SMAD1: variants seen among roughly 807,000 people sequenced by gnomAD.
The protein encoded by SMAD1 is SMAD family member 1, also known as MAD, mothers against decapentaplegic homolog 1.
Under a neutral mutation model 41.6 loss-of-function variants are expected in SMAD1, and 6 were observed. The ratio of observed to expected loss-of-function variants is 0.14; its 90% CI spans 0.08 to 0.28. The LOEUF (loss-of-function observed/expected upper bound fraction) is 0.28. Among genes scored for constraint, SMAD1 ranks in the 10% least tolerant of loss-of-function variants. The pLI is 1.00. For missense variants in SMAD1, 379 were observed against 582.6 expected (o/e 0.65, Z 3.60); for synonymous variants, 206 against 203.2 (o/e 1.01, Z -0.12).
rs368632623 is a variant in SMAD1, at chr4:145,515,054, G to T, written c.400+41G>T. On this transcript the variant is annotated intron_variant, in intron 2 of 6. Transcript: ENST00000302085. ...TATGTTGATGTGCTTTGTGTGCCCA[G>T]TACCAGATTTGTGTTGTTTAGAACA... 76 of 1,533,648 alleles carry T rather than the reference G, an allele frequency of 5.0e-5. 1 individual carries two copies. The African/African-American group carries it at 8.1e-4, about 16-fold the overall frequency.
At chr4:145,557,665 C>CG (rs1019009922) in intron 6 of SMAD1, 126 bp from the exon 7 acceptor site, 117 of 636,934 alleles carry the variant, frequency 1.8e-4, no homozygotes, top group Middle Eastern at 8.0e-4. Context: ...TCCCCAGGGG[C>CG]GGGGGGGTCA....
chr4:145,524,733 TG>T (rs1730935954), intron 2 of SMAD1, among the ~76,000 whole-genome samples: 1 of 151,874 alleles, frequency 6.6e-6, no homozygotes, highest in East Asian at 1.9e-4. Flanking sequence ...CACCCTCCAT[TG>T]CTGGTTCATA....
At chr4:145,509,665 A>T (rs1208995386) in intron 1 of SMAD1, among the ~76,000 whole-genome samples, 1 of 152,192 alleles carries the variant, frequency 6.6e-6, no homozygotes, top group Non-Finnish European at 1.5e-5. Context: ...CCTAGAAAAA[A>T]GTTCTTGTTC....
intron 2 of SMAD1, among the ~76,000 whole-genome samples, chr4:145,525,558 T>C (rs1286822497): frequency 6.6e-6 from 1 of 151,042 alleles, no homozygotes; most frequent in Non-Finnish European, 1.5e-5. Context: ...TGTTTGATAC[T>C]GGTGCTGAAT....
At chr4:145,484,340 C>G (rs747447057) in intron 1 of SMAD1, among the ~76,000 whole-genome samples, 1 of 152,180 alleles carries the variant, frequency 6.6e-6, no homozygotes, top group Non-Finnish European at 1.5e-5. Flanking sequence ...AGCATCATTA[C>G]CAGCCTTTTC....
intron 1 of SMAD1, among the ~76,000 whole-genome samples, chr4:145,492,012 TA>T (rs201421459): frequency 0.023 from 3,520 of 152,154 alleles, 141 homozygotes; most frequent in African/African-American, 0.079. Flanking sequence ...TTATAATGTT[TA>T]AAAAAAATGT....
At chr4:145,536,418 A>G (rs1443262273) in intron 2 of SMAD1, among the ~76,000 whole-genome samples, 3 of 152,192 alleles carry the variant, frequency 2.0e-5, no homozygotes, top group Non-Finnish European at 4.4e-5. Flanking sequence ...AAATACTCAA[A>G]TAATTGGAAC....
intron 2 of SMAD1, among the ~76,000 whole-genome samples, chr4:145,516,026 A>T (rs1730364356): frequency 6.6e-6 from 1 of 152,228 alleles, no homozygotes; most frequent in African/African-American, 2.4e-5. Flanking sequence ...TTTAAGACAT[A>T]TTTTAAAAAA....
At chr4:145,527,088 C>T in intron 2 of SMAD1, among the ~76,000 whole-genome samples, 1 of 152,194 alleles carries the variant, frequency 6.6e-6, no homozygotes, top group South Asian at 2.1e-4. Flanking sequence ...GTAATGTAAG[C>T]AACTTTTCAT....
chr4:145,529,336 A>G (rs1472972210), intron 2 of SMAD1, among the ~76,000 whole-genome samples: 1 of 152,180 alleles, frequency 6.6e-6, no homozygotes, highest in Admixed American at 6.5e-5. Context: ...AAAGCAGATA[A>G]ATACTTGGCA....
Position 145,482,594 on chromosome 4 carries a change from G to A in SMAD1, c.-177+556G>A, listed in dbSNP as rs1163267570. The A allele has an allele frequency of 6.6e-6, 1 of 151,844 alleles. No homozygotes were observed. Among genetic ancestry groups the A allele is most frequent in the African/African-American group, 2.4e-5 (1 of 41,332 alleles). The allele number at this position is 151,844 out of a possible 1,614,324, so 9.4% of individuals were successfully genotyped here. On this transcript the variant is annotated intron_variant, in intron 1 of 6. Transcript: ENST00000302085. The surrounding 1 kb of genome is among the most constrained non-coding windows in gnomAD (Gnocchi z 4.2). ...GCGGGTCTCGCGGGCGGGGGACCCC[G>A]GCGCCCCGGGCCCCTCCACATCCCG...
At chr4:145,491,763 TAC>T (rs909569172) in intron 1 of SMAD1, among the ~76,000 whole-genome samples, 4 of 152,182 alleles carry the variant, frequency 2.6e-5, no homozygotes. Flanking sequence ...CTATCAGTTA[TAC>T]ACAGTTTCTC....
intron 6 of SMAD1, among the ~76,000 whole-genome samples, chr4:145,556,389 G>GATATATATATAGATCTATGTAGATAT (rs1732837036): frequency 6.6e-6 from 1 of 151,674 alleles, no homozygotes; most frequent in Non-Finnish European, 1.5e-5. Context: ...CATCTATGTA[G>GATATATATATAGATCTATGTAGATAT]ATATATATAT....
At chr4:145,492,068 A>T (rs1317649588) in intron 1 of SMAD1, among the ~76,000 whole-genome samples, 1 of 152,198 alleles carries the variant, frequency 6.6e-6, no homozygotes, top group Non-Finnish European at 1.5e-5. Flanking sequence ...TTTTTAAAGG[A>T]TAATAGGGGT....
In SMAD1 at chr4:145,557,974, T is replaced by G. The variant is rs758690685; in HGVS notation, c.*40T>G. On this transcript the variant is annotated 3_prime_UTR_variant, in exon 7 of 7. Coordinates refer to ENST00000302085, the MANE Select transcript of SMAD1 (RefSeq NM_005900.3). ...CTGCCTCTGGAAAACTATTGAGCCT[T>G]GCATGTACTTGAAGGATGGATGAGT... is the stretch of plus-strand genomic sequence containing the variant. 1.3e-6 allele frequency: 2 copies of G among 1,505,728 alleles called. No individual in the cohort carries two copies. The highest frequency in any genetic ancestry group is 2.7e-5 in the South Asian group (2 of 73,760). The allele number at this position is 1,505,728 out of a possible 1,614,324, so 93.3% of individuals were successfully genotyped here.
chr4:145,505,393 G>A (rs1294714871), intron 1 of SMAD1, among the ~76,000 whole-genome samples: 1 of 152,034 alleles, frequency 6.6e-6, no homozygotes, highest in Non-Finnish European at 1.5e-5. Context: ...GAGATATCTT[G>A]CATCTCCATG....
In SMAD1 at chr4:145,514,842, G is replaced by A; in HGVS notation, c.229G>A (p.Val77Ile). 6.2e-7 allele frequency: 1 copy of A among 1,614,106 alleles called. No individual in the cohort carries two copies. The highest frequency in any genetic ancestry group is 8.5e-7 in the Non-Finnish European group (1 of 1,180,012). The change falls in exon 2 of 7, where the codon GTC becomes ATC. Residue 77 changes from valine (V) to isoleucine (I), a missense_variant. Physicochemically the swap from Val to Ile is conservative, Grantham distance 29. Around this residue, in one of 3 missense-constraint regions of SMAD1, gnomAD observed 64 missense variants for 153.9 expected, o/e 0.42. Coordinates refer to ENST00000302085, the MANE Select transcript of SMAD1 (RefSeq NM_005900.3). The surrounding 1 kb of genome is among the most constrained non-coding windows in gnomAD (Gnocchi z 4.7). ...IPRSLDGRLQ[V>I]SHRKGLPHVI... ...CCGCTCTCTGGATGGCAGGCTGCAAGTCTCCCACCGGAAGGGACTGCCTCA... is the reference window on the plus strand; with the variant it reads ...CCGCTCTCTGGATGGCAGGCTGCAAATCTCCCACCGGAAGGGACTGCCTCA...
At chr4:145,540,177 A>G (rs1053362287) in intron 3 of SMAD1, 116 bp downstream of exon 3, 2 of 1,167,870 alleles carry the variant, frequency 1.7e-6, no homozygotes, top group Non-Finnish European at 2.4e-6. Flanking sequence ...GGTATATGAC[A>G]TAGTGCTCTC....
At chr4:145,537,570 G>GT (rs565536210) in intron 2 of SMAD1, among the ~76,000 whole-genome samples, 18 of 151,982 alleles carry the variant, frequency 1.2e-4, no homozygotes, top group East Asian at 3.9e-4. Context: ...CATTGAGTTG[G>GT]TTTTTTTTCC....
Sources: gnomAD v4.1 joint callset for allele counts (sites outside exome capture counted in the v4.1 genomes callset) on GRCh38, gnomAD v4.1.1 for gene constraint, gnomAD v4.1.1 regional missense constraint, Gnocchi (gnomAD v3.1) non-coding constraint, MANE v1.5 for transcripts, NCBI Gene and HGNC (gene_info 2026-07-23, HGNC 2026-07-21) for gene names.